SLC22A23: variants seen among roughly 807,000 people sequenced by gnomAD.
SLC22A23 encodes the protein ion transporter protein.
Under a neutral mutation model 61.0 loss-of-function variants are expected in SLC22A23, and 26 were observed. The observed-to-expected ratio is 0.43, with a 90% CI of 0.31 to 0.59. SLC22A23 has a LOEUF of 0.59. Ranked by LOEUF, SLC22A23 falls within the 20% of genes least tolerant of loss-of-function variation. The pLI is 0.11. For missense variants in SLC22A23, 796 were observed against 934.7 expected, an observed-to-expected ratio of 0.85 and a Z score of 1.94; for synonymous variants, 430 against 413.9, an observed-to-expected ratio of 1.04 and a Z score of -0.47.
intron 1 of SLC22A23, among the ~76,000 whole-genome samples, chr6:3,424,141 T>C (rs1581865895): frequency 6.6e-6 from 1 of 152,098 alleles, no homozygotes; most frequent in Non-Finnish European, 1.5e-5. Context: ...GAGCCAGGGG[T>C]GGCTGCCCCC....
At chr6:3,339,113 C>G (rs1464703347) in intron 3 of SLC22A23, among the ~76,000 whole-genome samples, 1 of 152,236 alleles carries the variant, frequency 6.6e-6, no homozygotes, top group South Asian at 2.1e-4. Flanking sequence ...GATGCAATAG[C>G]TCTGTGGCTA....
chr6:3,287,940 TTC>T (rs1455587757), intron 6 of SLC22A23, among the ~76,000 whole-genome samples: 3 of 152,150 alleles, frequency 2.0e-5, no homozygotes, highest in Non-Finnish European at 4.4e-5. Context: ...CTGCCTTGGC[TTC>T]CCAAAGTGTT....
intron 1 of SLC22A23, among the ~76,000 whole-genome samples, chr6:3,451,615 C>T (rs78063137): frequency 0.079 from 11,979 of 152,174 alleles, 631 homozygotes; most frequent in Non-Finnish European, 0.11. Flanking sequence ...ACTTGGGCTG[C>T]GCAGGGAATG....
intron 1 of SLC22A23, among the ~76,000 whole-genome samples, chr6:3,432,514 C>G (rs537205551): frequency 8.5e-5 from 13 of 152,268 alleles, no homozygotes; most frequent in African/African-American, 2.6e-4. Flanking sequence ...CGCTTTGGCT[C>G]AGTAATTTCA....
chr6:3,388,421 T>A (rs1263244453), intron 3 of SLC22A23, among the ~76,000 whole-genome samples: 1 of 152,150 alleles, frequency 6.6e-6, no homozygotes, highest in Non-Finnish European at 1.5e-5. Flanking sequence ...TGGGCGAGGA[T>A]GTGGAGAAAC....
intron 3 of SLC22A23, among the ~76,000 whole-genome samples, chr6:3,396,750 C>T (rs764332641): frequency 6.6e-6 from 1 of 152,174 alleles, no homozygotes; most frequent in African/African-American, 2.4e-5. Flanking sequence ...GTGGGGCAGT[C>T]GGAGAAGAGC....
At chr6:3,362,087 A>AT (rs1204340783) in intron 3 of SLC22A23, among the ~76,000 whole-genome samples, 4 of 130,034 alleles carry the variant, frequency 3.1e-5, no homozygotes, top group Non-Finnish European at 6.8e-5. Flanking sequence ...GGGAAAAATA[A>AT]ATTTTTTTTT....
intron 4 of SLC22A23, 26 bp from the exon 5 acceptor site, chr6:3,298,244 G>T: frequency 6.3e-7 from 1 of 1,580,234 alleles, no homozygotes; most frequent in South Asian, 1.2e-5. Flanking sequence ...GGGGATCAGT[G>T]AATGTCTTCC....
intron 4 of SLC22A23, among the ~76,000 whole-genome samples, chr6:3,298,888 T>C (rs4415188): frequency 0.52 from 76,849 of 148,796 alleles, 20,059 homozygotes; most frequent in African/African-American, 0.59. Context: ...AGGAGAATGG[T>C]GTGAACCCGG....
intron 4 of SLC22A23, among the ~76,000 whole-genome samples, chr6:3,321,421 C>T (rs1581687397): frequency 6.6e-6 from 1 of 151,674 alleles, no homozygotes; most frequent in Non-Finnish European, 1.5e-5. Context: ...CACATGCACA[C>T]ACGTTTACTT....
At chr6:3,385,289 G>A (rs1767225440) in intron 3 of SLC22A23, among the ~76,000 whole-genome samples, 1 of 152,122 alleles carries the variant, frequency 6.6e-6, no homozygotes, top group African/African-American at 2.4e-5. Context: ...AAGGTGGGTG[G>A]ATCACTTGAG....
chr6:3,361,564 C>T (rs1286016610), intron 3 of SLC22A23, among the ~76,000 whole-genome samples: 3 of 152,234 alleles, frequency 2.0e-5, no homozygotes, highest in Non-Finnish European at 4.4e-5. Context: ...GTTCGACTCT[C>T]CAGACTTAGC....
chr6:3,385,220 T>C (rs1767219725), intron 3 of SLC22A23, among the ~76,000 whole-genome samples: 1 of 152,054 alleles, frequency 6.6e-6, no homozygotes, highest in Non-Finnish European at 1.5e-5. Flanking sequence ...TACACTTAAA[T>C]GGTTAAGATG....
intron 3 of SLC22A23, among the ~76,000 whole-genome samples, chr6:3,401,979 C>T (rs1301414502): frequency 1.3e-5 from 2 of 152,232 alleles, no homozygotes; most frequent in African/African-American, 2.4e-5. Context: ...TCGGTAGCTT[C>T]AGACTCTACA....
intron 3 of SLC22A23, among the ~76,000 whole-genome samples, chr6:3,345,342 C>CCAGTA (rs1764365276): frequency 6.6e-6 from 1 of 151,248 alleles, no homozygotes; most frequent in South Asian, 2.1e-4. Flanking sequence ...AAGGAAAGTA[C>CCAGTA]CAGTAGTTTA....
In SLC22A23 at chr6:3,410,407, A is replaced by C; in HGVS notation, c.759-65T>G. On this transcript the variant is annotated intron_variant, in intron 2 of 9. Coordinates refer to ENST00000406686, the MANE Select transcript of SLC22A23 (RefSeq NM_015482.2). The surrounding 1 kb of genome is among the most constrained non-coding windows in gnomAD (Gnocchi z 5.0). ...ACAAGACAATGACGCTAGATGCTGA[A>C]ACCCGGTGTCCAGCAGGCACTCAAT... is the stretch of plus-strand genomic sequence containing the variant. The C allele has an allele frequency of 6.7e-7, 1 of 1,491,234 alleles. No individual in the cohort carries two copies. The highest frequency in any genetic ancestry group is 9.0e-7 in the Non-Finnish European group (1 of 1,113,758). 92.4% of individuals were successfully genotyped at this position (1,491,234 alleles called of 1,614,324 possible).
chr6:3,340,975 C>CGAAT (rs1416573319), intron 3 of SLC22A23, among the ~76,000 whole-genome samples: 1 of 152,196 alleles, frequency 6.6e-6, no homozygotes, highest in African/African-American at 2.4e-5. Flanking sequence ...TTTGGCATTC[C>CGAAT]CATCACCAAT....
rs776735652 is a variant in SLC22A23 at position 3,330,635 on chromosome 6, T to C, written c.914-6633A>G. 6.6e-6 allele frequency among the ~76,000 whole-genome samples: 1 copy of C among 152,210 alleles called. No individual in the cohort carries two copies. Among genetic ancestry groups the C allele is most frequent in the Non-Finnish European group, 1.5e-5 (1 of 68,042 alleles). Reference sequence around the variant, plus strand: ...CATGTGATTGTGGAATTCCTTATTATAGCAGAAGGGCCTGAAATTGCCAGT... The same window carrying C: ...CATGTGATTGTGGAATTCCTTATTACAGCAGAAGGGCCTGAAATTGCCAGT... On this transcript the variant is annotated intron_variant, in intron 3 of 9. Transcript: ENST00000406686. This position sits in a 1 kb window ranked among gnomAD's most constrained non-coding sequence, Gnocchi z 4.7.
At chr6:3,377,958 T>G (rs1766687786) in intron 3 of SLC22A23, 1 of 152,236 alleles carries the variant, frequency 6.6e-6, no homozygotes, top group African/African-American at 2.4e-5. Flanking sequence ...CCTGAGGATG[T>G]TGCTGTTTCA....
Sources: allele counts gnomAD v4.1 joint callset (sites outside exome capture counted in the v4.1 genomes callset), GRCh38; gene constraint gnomAD v4.1.1; non-coding constraint Gnocchi (gnomAD v3.1); transcripts MANE v1.5; gene names NCBI Gene and HGNC (gene_info 2026-07-23, HGNC 2026-07-21).